The following DGKI variants were observed in gnomAD, a reference collection of about 807,000 sequenced individuals.
DGKI encodes diacylglycerol kinase iota, also known as DAG kinase iota.
DGKI carries 55 observed loss-of-function variants against 147.5 expected under a neutral mutation model. The ratio of observed to expected loss-of-function variants is 0.37; its 90% CI spans 0.30 to 0.47. The LOEUF (loss-of-function observed/expected upper bound fraction) is 0.47. DGKI is among the 20% of genes least tolerant of loss of function. DGKI has a pLI of 1.00. For synonymous variants in DGKI, 469 were observed against 477.1 expected, an observed-to-expected ratio of 0.98 and a Z score of 0.22; for missense variants, 1,007 against 1,323.8, an observed-to-expected ratio of 0.76 and a Z score of 3.71.
intron 1 of DGKI, among the ~76,000 whole-genome samples, chr7:137,776,163 T>C (rs766582325): frequency 1.1e-4 from 17 of 152,198 alleles, no homozygotes; most frequent in Non-Finnish European, 1.6e-4. Context: ...CAGCTAAAAG[T>C]ATATTCTTAA....
chr7:137,813,023 A>G (rs1009767479), intron 1 of DGKI, among the ~76,000 whole-genome samples: 2 of 152,196 alleles, frequency 1.3e-5, no homozygotes, highest in Admixed American at 1.3e-4. Flanking sequence ...TGACCCTGAG[A>G]AAGTATGCCA....
At chr7:137,717,288 G>T (rs572607940) in intron 1 of DGKI, among the ~76,000 whole-genome samples, 1 of 152,160 alleles carries the variant, frequency 6.6e-6, no homozygotes, top group Non-Finnish European at 1.5e-5. Flanking sequence ...GCACAGACAC[G>T]CCTTTTTTGG....
intron 21 of DGKI, among the ~76,000 whole-genome samples, chr7:137,513,093 C>A (rs1367240454): frequency 6.6e-6 from 1 of 152,012 alleles, no homozygotes; most frequent in African/African-American, 2.4e-5. Flanking sequence ...TCTTTTTTTC[C>A]AGAACACTGA....
intron 11 of DGKI, among the ~76,000 whole-genome samples, chr7:137,599,559 A>T (rs550998037): frequency 1.3e-5 from 2 of 152,358 alleles, no homozygotes; most frequent in African/African-American, 4.8e-5. Flanking sequence ...ATTTGCAGAG[A>T]ATAACCTACA....
chr7:137,469,697 C>T (rs1312974864), intron 23 of DGKI, 78 bp from the exon 24 acceptor site: 9 of 1,344,838 alleles, frequency 6.7e-6, no homozygotes, highest in East Asian at 4.6e-5. Context: ...TTCTGCCATC[C>T]TTTCCTACAC....
intron 3 of DGKI, among the ~76,000 whole-genome samples, chr7:137,671,489 C>A (rs1421694453): frequency 6.6e-6 from 1 of 152,218 alleles, no homozygotes. Context: ...TGCTAATTAG[C>A]TTGTTCAGCT....
chr7:137,528,430 C>T (rs1455837634), intron 20 of DGKI, among the ~76,000 whole-genome samples: 2 of 152,158 alleles, frequency 1.3e-5, no homozygotes, highest in African/African-American at 4.8e-5. Flanking sequence ...TTAAACCAAG[C>T]ATAAACCAAA....
At chr7:137,629,402 C>T (rs1234408882) in intron 6 of DGKI, among the ~76,000 whole-genome samples, 1 of 152,156 alleles carries the variant, frequency 6.6e-6, no homozygotes, top group Non-Finnish European at 1.5e-5. Context: ...TTGGTACACA[C>T]TAGTGTCAAG....
rs543935345 is a variant in DGKI, at chr7:137,820,986, C to A, written c.401+25476G>T. On this transcript the variant is annotated intron_variant, in intron 1 of 32. Coordinates refer to ENST00000614521, the MANE Select transcript of DGKI (RefSeq NM_001321708.2). Reference sequence around the variant, plus strand: ...CAGCCCTAGAGGGGGAGAGCAGCTCCTCCCCAGCTGCTGCCAATTTGCACC... The same window carrying A: ...CAGCCCTAGAGGGGGAGAGCAGCTCATCCCCAGCTGCTGCCAATTTGCACC... Among the ~76,000 whole-genome samples the A allele has an allele frequency of 9.0e-4, 137 of 152,320 alleles. 2 individuals carry two copies. The Middle Eastern group carries it at 0.02, about 23-fold the overall frequency.
intron 28 of DGKI, among the ~76,000 whole-genome samples, chr7:137,435,976 C>T (rs1813264793): frequency 6.6e-6 from 1 of 152,162 alleles, no homozygotes; most frequent in Admixed American, 6.5e-5. Context: ...GGCGAGGTTT[C>T]ACGATGTTGG....
intron 1 of DGKI, among the ~76,000 whole-genome samples, chr7:137,808,187 A>G (rs984232793): frequency 6.6e-6 from 1 of 152,230 alleles, no homozygotes; most frequent in Non-Finnish European, 1.5e-5. Flanking sequence ...TTTCCAGTAA[A>G]AAAGTCAGGT....
At chr7:137,394,717 T>C (rs1943481032) in intron 32 of DGKI, among the ~76,000 whole-genome samples, 1 of 152,230 alleles carries the variant, frequency 6.6e-6, no homozygotes, top group African/African-American at 2.4e-5. Context: ...GTGGACACTT[T>C]AAGTTCAGAT....
chr7:137,526,719 G>C (rs911176568), intron 20 of DGKI, among the ~76,000 whole-genome samples: 1 of 152,046 alleles, frequency 6.6e-6, no homozygotes, highest in African/African-American at 2.4e-5. Flanking sequence ...GCTATTCTCT[G>C]CTCTCCTGTA....
At chr7:137,646,489 G>A (rs1821828644) in intron 5 of DGKI, among the ~76,000 whole-genome samples, 3 of 152,142 alleles carry the variant, frequency 2.0e-5, no homozygotes. Flanking sequence ...CACTCCTGGG[G>A]CAGAGTCAAG....
intron 23 of DGKI, among the ~76,000 whole-genome samples, chr7:137,479,552 G>A (rs1007795546): frequency 1.3e-5 from 2 of 152,086 alleles, no homozygotes; most frequent in South Asian, 2.1e-4. Flanking sequence ...CATAGCTGAT[G>A]CACACATAAT....
At chr7:137,717,525 T>C (rs992246962) in intron 1 of DGKI, among the ~76,000 whole-genome samples, 2 of 152,336 alleles carry the variant, frequency 1.3e-5, no homozygotes, top group Admixed American at 1.3e-4. Context: ...AACATATGTC[T>C]GTCTGTCCGT....
intron 6 of DGKI, among the ~76,000 whole-genome samples, chr7:137,629,967 T>G (rs1821072371): frequency 6.6e-6 from 1 of 152,218 alleles, no homozygotes; most frequent in Non-Finnish European, 1.5e-5. Flanking sequence ...TTTCCTAAAT[T>G]TTCTATACAA....
intron 23 of DGKI, among the ~76,000 whole-genome samples, chr7:137,470,092 T>C (rs1814821947): frequency 6.6e-6 from 1 of 152,134 alleles, no homozygotes; most frequent in African/African-American, 2.4e-5. Flanking sequence ...TTCATCTACA[T>C]GGAAACAAAG....
chr7:137,584,462 C>T (rs557240601), intron 14 of DGKI, among the ~76,000 whole-genome samples: 40 of 152,234 alleles, frequency 2.6e-4, no homozygotes, highest in African/African-American at 6.7e-4. Flanking sequence ...GTTTGCTTTT[C>T]GGTTGAAATA....
Sources: gnomAD v4.1 joint callset for allele counts (sites outside exome capture counted in the v4.1 genomes callset) on GRCh38, gnomAD v4.1.1 for gene constraint, MANE v1.5 for transcripts, NCBI Gene and HGNC (gene_info 2026-07-23, HGNC 2026-07-21) for gene names.